The following WDPCP variants were observed in gnomAD, a reference collection of about 807,000 sequenced individuals.
The protein encoded by WDPCP is WD repeat-containing and planar cell polarity effector protein fritz homolog.
In WDPCP, 71 loss-of-function variants were observed where a neutral mutation model predicts 93.1. That is an observed-to-expected ratio of 0.76 (90% CI 0.63 to 0.93). The LOEUF (loss-of-function observed/expected upper bound fraction) is 0.93, where lower values mean the gene tolerates loss of function less well. Ranked by LOEUF, WDPCP falls within the 40% of genes least tolerant of loss-of-function variation. The pLI is 0.00. For missense variants in WDPCP, 844 were observed against 887.4 expected (o/e 0.95, Z 0.62); for synonymous variants, 315 against 315.0 (o/e 1.00, Z 0.00).
intron 10 of WDPCP, 76 bp downstream of exon 10, chr2:63,403,972 G>A: frequency 3.8e-6 from 6 of 1,584,918 alleles, no homozygotes; most frequent in Non-Finnish European, 5.2e-6. Flanking sequence ...TACATTCTAA[G>A]AATAGTTTTA....
At chr2:63,715,700 A>G (rs1669327585) in intron 2 of WDPCP, among the ~76,000 whole-genome samples, 1 of 152,248 alleles carries the variant, frequency 6.6e-6, no homozygotes, top group Non-Finnish European at 1.5e-5. Context: ...CTGTAGAAGA[A>G]AAATAGCCTA....
intron 13 of WDPCP, among the ~76,000 whole-genome samples, chr2:63,264,048 C>A (rs1575011390): frequency 6.6e-6 from 1 of 152,034 alleles, no homozygotes; most frequent in South Asian, 2.1e-4. Flanking sequence ...AAATGTAAAT[C>A]CTTTTTCTTA....
chr2:63,532,517 G>A (rs1454027543), intron 1 of WDPCP, among the ~76,000 whole-genome samples: 1 of 152,186 alleles, frequency 6.6e-6, no homozygotes, highest in Non-Finnish European at 1.5e-5. Flanking sequence ...TCTCTCAGCA[G>A]AAACTCTACA....
intron 14 of WDPCP, among the ~76,000 whole-genome samples, chr2:63,177,283 G>A (rs1673882246): frequency 6.6e-6 from 1 of 152,150 alleles, no homozygotes; most frequent in Non-Finnish European, 1.5e-5. Context: ...TTCCAAAGAT[G>A]CCATTGGGAT....
chr2:63,625,369 G>T (rs558292699), intron 3 of WDPCP, among the ~76,000 whole-genome samples: 1 of 152,328 alleles, frequency 6.6e-6, no homozygotes, highest in South Asian at 2.1e-4. Flanking sequence ...ATTCAAACAG[G>T]AAGAGAGGAA....
At chr2:63,524,002 A>G (rs1466037752) in intron 1 of WDPCP, among the ~76,000 whole-genome samples, 1 of 152,214 alleles carries the variant, frequency 6.6e-6, no homozygotes, top group Non-Finnish European at 1.5e-5. Context: ...CAAAAATGCA[A>G]TCCCATTCAC....
At chr2:63,252,962 C>T (rs1680858718) in intron 14 of WDPCP, among the ~76,000 whole-genome samples, 1 of 152,084 alleles carries the variant, frequency 6.6e-6, no homozygotes. Context: ...CCAAAGCAAT[C>T]CTAAGCATGA....
intron 1 of WDPCP, among the ~76,000 whole-genome samples, chr2:63,817,359 T>C (rs1018274596): frequency 1.3e-5 from 2 of 152,132 alleles, no homozygotes; most frequent in African/African-American, 4.8e-5. Flanking sequence ...CCACCTGTCT[T>C]GGCCTCCCAA....
chr2:63,255,569 C>T (rs7601558), intron 14 of WDPCP, among the ~76,000 whole-genome samples: 135,183 of 152,104 alleles, frequency 0.89, 60,248 homozygotes, highest in South Asian at 0.93. Flanking sequence ...TGTTTCTTCC[C>T]CTCTTACCAT....
At chr2:63,789,264 T>A (rs916652530) in intron 2 of WDPCP, among the ~76,000 whole-genome samples, 2 of 152,164 alleles carry the variant, frequency 1.3e-5, no homozygotes, top group African/African-American at 4.8e-5. Context: ...TCACAATTTT[T>A]TTTCTCTTAT....
At chr2:63,330,128 T>C (rs1406669792) in intron 12 of WDPCP, among the ~76,000 whole-genome samples, 1 of 152,164 alleles carries the variant, frequency 6.6e-6, no homozygotes, top group Non-Finnish European at 1.5e-5. Context: ...CTGGACCATA[T>C]GATAGTTTTG....
intron 13 of WDPCP, among the ~76,000 whole-genome samples, chr2:63,310,999 C>A (rs1686144268): frequency 6.6e-6 from 1 of 152,166 alleles, no homozygotes; most frequent in Admixed American, 6.6e-5. Flanking sequence ...CTTCCTATTG[C>A]TTTTGAGATA....
At chr2:63,496,560 A>G (rs1396671955) in intron 1 of WDPCP, among the ~76,000 whole-genome samples, 1 of 152,210 alleles carries the variant, frequency 6.6e-6, no homozygotes, top group Admixed American at 6.5e-5. Flanking sequence ...GAACATGGGA[A>G]ATCCTGAGCA....
chr2:63,343,235 T>C (rs1052833888), intron 12 of WDPCP, among the ~76,000 whole-genome samples: 1 of 152,044 alleles, frequency 6.6e-6, no homozygotes, highest in Admixed American at 6.6e-5. Flanking sequence ...CTCAAACTCC[T>C]GACCTCAAGT....
intron 3 of WDPCP, among the ~76,000 whole-genome samples, chr2:63,601,029 C>T (rs1304916593): frequency 6.6e-6 from 1 of 152,116 alleles, no homozygotes; most frequent in African/African-American, 2.4e-5. Flanking sequence ...TGTCCTGGTG[C>T]CTGAAACAGT....
At chr2:63,333,326 T>G (rs1575163435) in intron 12 of WDPCP, among the ~76,000 whole-genome samples, 1 of 152,218 alleles carries the variant, frequency 6.6e-6, no homozygotes, top group East Asian at 1.9e-4. Flanking sequence ...TTGTCATACC[T>G]TGAAATTGTC....
rs142619980 is a variant in WDPCP, at chr2:63,332,780, A to G, written c.1749-19469T>C. 4.0e-3 allele frequency among the ~76,000 whole-genome samples: 605 copies of G among 151,710 alleles called. 4 individuals are homozygous for G. The highest frequency in any genetic ancestry group is 0.034 in the Middle Eastern group (10 of 292). On this transcript the variant is annotated intron_variant, in intron 12 of 17. Transcript: ENST00000272321. ...CTTTTTTATTCTTTATTTTTTCCTT[A>G]TTTGATTTTGTAGAGACAGGGTCTC...
intron 10 of WDPCP, among the ~76,000 whole-genome samples, chr2:63,399,857 T>C (rs1027767807): frequency 3.9e-5 from 6 of 152,168 alleles, no homozygotes; most frequent in African/African-American, 7.2e-5. Context: ...ATTTTTATTA[T>C]GTGAAAAGAA....
intron 2 of WDPCP, among the ~76,000 whole-genome samples, chr2:63,723,008 CAT>C (rs1669448240): frequency 6.6e-6 from 1 of 152,220 alleles, no homozygotes; most frequent in Admixed American, 6.5e-5. Flanking sequence ...CTCTCTGAAA[CAT>C]GTGCTGTGTC....
Sources: allele counts gnomAD v4.1 joint callset (sites outside exome capture counted in the v4.1 genomes callset), GRCh38; gene constraint gnomAD v4.1.1; transcripts MANE v1.5; gene names NCBI Gene and HGNC (gene_info 2026-07-23, HGNC 2026-07-21).